Variants in ZMAT4 observed in about 807,000 individuals in gnomAD.
ZMAT4 encodes the protein zinc finger matrin-type protein 4.
A neutral mutation model predicts 28.7 loss-of-function variants in ZMAT4; 17 were observed. That is an observed-to-expected ratio of 0.59 (90% CI 0.41 to 0.89). The LOEUF (loss-of-function observed/expected upper bound fraction) is 0.89, where lower values mean the gene tolerates loss of function less well. ZMAT4 is among the 40% of genes least tolerant of loss of function. ZMAT4 has a pLI of 0.00. For missense variants in ZMAT4, 240 were observed against 283.8 expected, an observed-to-expected ratio of 0.85 and a Z score of 1.11; for synonymous variants, 117 against 109.2, an observed-to-expected ratio of 1.07 and a Z score of -0.44.
chr8:40,732,002 C>T (rs1811563597), intron 3 of ZMAT4, among the ~76,000 whole-genome samples: 1 of 152,146 alleles, frequency 6.6e-6, no homozygotes, highest in African/African-American at 2.4e-5. Context: ...ATTCCACTTA[C>T]ATGAGGTACC....
chr8:40,859,430 CG>C (rs1563532077), intron 1 of ZMAT4, among the ~76,000 whole-genome samples: 1 of 151,940 alleles, frequency 6.6e-6, no homozygotes, highest in East Asian at 1.9e-4. Flanking sequence ...AAATCCCTGC[CG>C]GTGGCAGTAG....
chr8:40,840,407 C>T lies in ZMAT4; in HGVS notation c.-4-14727G>A, dbSNP rs552646501. ...CAGTTTCTCCCTCTTTCCAATCCTG[C>T]TTCTGCTCCTCCCTCCACAGATATC... is the stretch of plus-strand genomic sequence containing the variant. On this transcript the variant is annotated intron_variant, in intron 1 of 6. Coordinates refer to ENST00000297737, the MANE Select transcript of ZMAT4 (RefSeq NM_024645.3). 3.0e-3 allele frequency among the ~76,000 whole-genome samples: 453 copies of T among 152,268 alleles called. 2 individuals are homozygous for T. Among genetic ancestry groups the T allele is most frequent in the Non-Finnish European group, 5.6e-3 (380 of 68,026 alleles).
intron 5 of ZMAT4, among the ~76,000 whole-genome samples, chr8:40,620,814 C>A (rs1806170716): frequency 6.6e-6 from 1 of 152,160 alleles, no homozygotes; most frequent in African/African-American, 2.4e-5. Context: ...TGATGAAGAT[C>A]TGTTTATATT....
chr8:40,578,064 G>A (rs1460722758), intron 6 of ZMAT4, among the ~76,000 whole-genome samples: 1 of 151,966 alleles, frequency 6.6e-6, no homozygotes, highest in East Asian at 1.9e-4. Flanking sequence ...AAAGAGGAAA[G>A]AACAGTGAAG....
Position 40,722,569 on chromosome 8 carries a change from C to T in ZMAT4, c.193-25168G>A, listed in dbSNP as rs530899976. ...AGTGTGTCCTTAAGTAAATTGCCAT[C>T]AAATATGATAAAGTCACATTCACAT... is the stretch of plus-strand genomic sequence containing the variant. On this transcript the variant is annotated intron_variant, in intron 3 of 6. Coordinates refer to ENST00000297737, the MANE Select transcript of ZMAT4 (RefSeq NM_024645.3). 9.9e-5 allele frequency among the ~76,000 whole-genome samples: 15 copies of T among 152,152 alleles called. 1 individual carries two copies. The highest frequency in any genetic ancestry group is 1.9e-4 in the Non-Finnish European group (13 of 68,030).
rs1342562054 is a variant in ZMAT4, at chr8:40,581,196, C to A, written c.643G>T (p.Ala215Ser). The part of the protein sequence containing the change: ...VSLNSIEQYH[A>S]HLKGSKHQTN... The stretch of plus-strand genomic sequence containing the variant: ...TGGTGTTTAGATCCTTTCAGATGGG[C>A]ATGATACTGTTCTATTGAGTTTAGG... Residue 215 changes from alanine (A) to serine (S), a missense_variant, in exon 6 of 7, where the codon GCC becomes TCC. Ala to Ser is a moderately conservative substitution (Grantham distance 99). Coordinates refer to ENST00000297737, the MANE Select transcript of ZMAT4 (RefSeq NM_024645.3). 6.2e-7 allele frequency: 1 copy of A among 1,613,242 alleles called. No homozygotes were observed. The highest frequency in any genetic ancestry group is 1.3e-5 in the African/African-American group (1 of 74,898).
intron 2 of ZMAT4, among the ~76,000 whole-genome samples, chr8:40,818,156 C>T (rs757543442): frequency 6.6e-6 from 1 of 152,186 alleles, no homozygotes; most frequent in Non-Finnish European, 1.5e-5. Context: ...TTGTCTACTT[C>T]GTTATAGCCT....
intron 5 of ZMAT4, among the ~76,000 whole-genome samples, chr8:40,668,651 T>A (rs1277084545): frequency 6.6e-6 from 1 of 152,066 alleles, no homozygotes. Flanking sequence ...CTAACTCTAC[T>A]GTTTTGTGCA....
chr8:40,882,595 A>G (rs1818318694), intron 1 of ZMAT4, among the ~76,000 whole-genome samples: 1 of 151,996 alleles, frequency 6.6e-6, no homozygotes, highest in Non-Finnish European at 1.5e-5. Flanking sequence ...GAACCCCTAC[A>G]TGCCTGCTGC....
chr8:40,578,870 A>G (rs1804357494), intron 6 of ZMAT4, among the ~76,000 whole-genome samples: 1 of 152,196 alleles, frequency 6.6e-6, no homozygotes, highest in South Asian at 2.1e-4. Flanking sequence ...CAAAATGCAC[A>G]TACTACTCTC....
intron 4 of ZMAT4, among the ~76,000 whole-genome samples, chr8:40,681,147 G>A (rs909160897): frequency 6.6e-6 from 1 of 152,114 alleles, no homozygotes; most frequent in African/African-American, 2.4e-5. Context: ...AGCAGCAGAG[G>A]AAGTGGTAAA....
chr8:40,869,665 C>A (rs1817785878), intron 1 of ZMAT4, among the ~76,000 whole-genome samples: 1 of 152,234 alleles, frequency 6.6e-6, no homozygotes. Flanking sequence ...TAGTCCTTCA[C>A]AATCACGAGA....
chr8:40,825,738 ATATTAACCG>A (rs1433625570), intron 1 of ZMAT4, 58 bp from the exon 2 acceptor site: 20 of 1,376,858 alleles, frequency 1.5e-5, no homozygotes, highest in Non-Finnish European at 1.9e-5. Flanking sequence ...TTTATGCAAG[ATATTAACCG>A]TATGAAAAGC....
At chr8:40,603,901 T>C (rs1805489980) in intron 5 of ZMAT4, among the ~76,000 whole-genome samples, 1 of 152,150 alleles carries the variant, frequency 6.6e-6, no homozygotes, top group African/African-American at 2.4e-5. Context: ...ATCAGCAGTG[T>C]TTTGTAGTTT....
chr8:40,652,170 TG>T (rs1647163274), intron 5 of ZMAT4, among the ~76,000 whole-genome samples: 1 of 116,122 alleles, frequency 8.6e-6, no homozygotes, highest in East Asian at 2.4e-4. Flanking sequence ...AGAAAATTTT[TG>T]CTACCTACTC....
intron 2 of ZMAT4, among the ~76,000 whole-genome samples, chr8:40,796,961 C>T (rs1029683608): frequency 2.0e-5 from 3 of 152,208 alleles, no homozygotes; most frequent in Non-Finnish European, 4.4e-5. Context: ...TTAGCCAGTT[C>T]GCCTGATCTT....
chr8:40,644,911 G>A (rs563049813), intron 5 of ZMAT4, among the ~76,000 whole-genome samples: 30 of 152,252 alleles, frequency 2.0e-4, no homozygotes, highest in Admixed American at 4.6e-4. Flanking sequence ...AATTCCAGTC[G>A]AGGAGCATTC....
chr8:40,847,241 T>A (rs1302104773), intron 1 of ZMAT4, among the ~76,000 whole-genome samples: 6 of 147,190 alleles, frequency 4.1e-5, no homozygotes, highest in East Asian at 2.0e-4. Flanking sequence ...CTGGGGGAAA[T>A]CCAGTCACCT....
At chr8:40,858,111 C>G (rs937298183) in intron 1 of ZMAT4, among the ~76,000 whole-genome samples, 1 of 152,126 alleles carries the variant, frequency 6.6e-6, no homozygotes, top group African/African-American at 2.4e-5. Context: ...GAGCTCTACA[C>G]TTAAGATCTA....
Sources: allele counts gnomAD v4.1 joint callset (sites outside exome capture counted in the v4.1 genomes callset), GRCh38; gene constraint gnomAD v4.1.1; transcripts MANE v1.5; gene names NCBI Gene and HGNC (gene_info 2026-07-23, HGNC 2026-07-21).